KHDRBS2: variants seen among roughly 807,000 people sequenced by gnomAD.
The protein encoded by KHDRBS2 is KH RNA binding domain containing, signal transduction associated 2, also known as KH domain-containing, RNA-binding, signal transduction-associated protein 2.
KHDRBS2 carries 26 observed loss-of-function variants against 44.3 expected under a neutral mutation model. That is an observed-to-expected ratio of 0.59 (90% CI 0.43 to 0.81). The LOEUF is 0.81. KHDRBS2 is among the 40% of genes least tolerant of loss of function. The pLI is 0.00. For synonymous variants in KHDRBS2, 194 were observed against 151.1 expected (o/e 1.28, Z -2.08); for missense variants, 476 against 433.1 (o/e 1.10, Z -0.88).
chr6:62,199,599 G>C (rs1282377864), intron 1 of KHDRBS2, among the ~76,000 whole-genome samples: 1 of 152,096 alleles, frequency 6.6e-6, no homozygotes, highest in East Asian at 1.9e-4. Flanking sequence ...ATAAACAAAT[G>C]GAAGAAAATT....
chr6:61,979,118 C>G (rs924769993), intron 3 of KHDRBS2, among the ~76,000 whole-genome samples: 4 of 152,002 alleles, frequency 2.6e-5, no homozygotes, highest in African/African-American at 9.7e-5. Flanking sequence ...CATATCATCT[C>G]TAATCAAAAT....
intron 4 of KHDRBS2, among the ~76,000 whole-genome samples, chr6:61,955,670 G>A (rs71552588): frequency 0.21 from 21,232 of 102,188 alleles, 3,759 homozygotes; most frequent in East Asian, 0.29. Context: ...ATGTGTATAT[G>A]TACACATATG....
At chr6:61,675,631 A>G (rs1366542523), downstream of KHDRBS2, among the ~76,000 whole-genome samples, 1 of 151,796 alleles carries the variant, frequency 6.6e-6, no homozygotes, top group East Asian at 2.0e-4. Flanking sequence ...GGACACCACT[A>G]TTCAGTTTCC....
At chr6:61,980,286 T>A (rs1773567269) in intron 3 of KHDRBS2, among the ~76,000 whole-genome samples, 1 of 152,158 alleles carries the variant, frequency 6.6e-6, no homozygotes, top group Admixed American at 6.6e-5. Context: ...GAAGAATATA[T>A]CATAAATTGT....
At chr6:62,152,338 A>G (rs1007352807) in intron 2 of KHDRBS2, among the ~76,000 whole-genome samples, 6 of 152,130 alleles carry the variant, frequency 3.9e-5, no homozygotes, top group Admixed American at 3.9e-4. Context: ...ACAAAAAACA[A>G]ACAAAAAAAT....
At chr6:61,649,619 T>A in the KHDRBS2 span, among the ~76,000 whole-genome samples, 1 of 152,186 alleles carries the variant, frequency 6.6e-6, no homozygotes, top group African/African-American at 2.4e-5. Context: ...CAACAATTTT[T>A]CTTTCTTAGT....
At position 61,902,864 on chromosome 6, in the gene KHDRBS2, C is replaced by T. The variant is rs535912552; in HGVS notation, c.484-1493G>A. 3.3e-5 allele frequency among the ~76,000 whole-genome samples: 5 copies of T among 151,604 alleles called. No homozygotes were observed. The South Asian group carries it at 1.0e-3, about 32-fold the overall frequency. Reference sequence around the variant, plus strand: ...TAGAAAATGGCAGGGAAGCATTCAGCCTACAAGGATTTCTTTGGCACAGCT... The same window carrying T: ...TAGAAAATGGCAGGGAAGCATTCAGTCTACAAGGATTTCTTTGGCACAGCT... On this transcript the variant is annotated intron_variant, in intron 4 of 8. Transcript: ENST00000281156.
the KHDRBS2 span, among the ~76,000 whole-genome samples, chr6:61,596,948 C>A: frequency 1.3e-5 from 2 of 152,098 alleles, no homozygotes; most frequent in African/African-American, 2.4e-5. Flanking sequence ...CCGTGCCCAG[C>A]CACATTTGTA....
rs150033315 is a variant in KHDRBS2, at chr6:61,876,833, T to C, written c.810+17802A>G. On this transcript the variant is annotated intron_variant, in intron 6 of 8. Coordinates refer to ENST00000281156, the MANE Select transcript of KHDRBS2 (RefSeq NM_152688.4). Reference sequence around the variant, plus strand: ...CTATGAGAAAAGGAAATAAGTGGCCTTGGGTAATTTAACCAACTTAAAATT... The same window carrying C: ...CTATGAGAAAAGGAAATAAGTGGCCCTGGGTAATTTAACCAACTTAAAATT... 4.1e-3 allele frequency among the ~76,000 whole-genome samples: 624 copies of C among 152,188 alleles called. 1 individual carries two copies. The highest frequency in any genetic ancestry group is 6.2e-3 in the Non-Finnish European group (423 of 67,956).
the KHDRBS2 span, among the ~76,000 whole-genome samples, chr6:61,580,313 C>T: frequency 3.3e-5 from 5 of 152,190 alleles, no homozygotes; most frequent in Admixed American, 6.5e-5. Context: ...AATCATTACT[C>T]TGTGTCTAGC....
intron 6 of KHDRBS2, among the ~76,000 whole-genome samples, chr6:61,844,725 T>C (rs1794113301): frequency 7.0e-6 from 1 of 142,462 alleles, no homozygotes; most frequent in Non-Finnish European, 1.5e-5. Flanking sequence ...ATAGCATTCA[T>C]ATATTCTTGA....
At chr6:61,781,793 T>C (rs1336087858) in intron 6 of KHDRBS2, among the ~76,000 whole-genome samples, 2 of 152,164 alleles carry the variant, frequency 1.3e-5, no homozygotes, top group Non-Finnish European at 2.9e-5. Context: ...ACGTTATCAA[T>C]AAATCTCCAG....
intron 3 of KHDRBS2, among the ~76,000 whole-genome samples, chr6:61,979,227 G>A (rs1424568713): frequency 6.6e-6 from 1 of 152,062 alleles, no homozygotes; most frequent in African/African-American, 2.4e-5. Flanking sequence ...CATTTTGCAA[G>A]CAGATTTGCA....
chr6:62,112,360 C>G (rs969313294), intron 2 of KHDRBS2, among the ~76,000 whole-genome samples: 2 of 152,114 alleles, frequency 1.3e-5, no homozygotes, highest in Non-Finnish European at 2.9e-5. Context: ...GAAATGATTA[C>G]TGTATGTTTG....
intron 2 of KHDRBS2, among the ~76,000 whole-genome samples, chr6:62,063,931 G>A (rs971636168): frequency 1.4e-5 from 2 of 144,252 alleles, no homozygotes; most frequent in East Asian, 2.0e-4. Context: ...CTTCAGCAAA[G>A]TCTCAGGATA....
intron 1 of KHDRBS2, among the ~76,000 whole-genome samples, chr6:62,215,435 C>A (rs1297169930): frequency 6.6e-6 from 1 of 151,590 alleles, no homozygotes; most frequent in African/African-American, 2.4e-5. Flanking sequence ...CCATATAAGC[C>A]ACTCCTCCCT....
chr6:61,551,546 T>C, the KHDRBS2 span, among the ~76,000 whole-genome samples: 1 of 152,122 alleles, frequency 6.6e-6, no homozygotes, highest in Non-Finnish European at 1.5e-5. Context: ...TTTCATATGG[T>C]ATAAGGGTGG....
chr6:62,091,099 G>C (rs896314413), intron 2 of KHDRBS2, among the ~76,000 whole-genome samples: 1 of 152,040 alleles, frequency 6.6e-6, no homozygotes, highest in Non-Finnish European at 1.5e-5. Context: ...ATACTATCTG[G>C]GTGCCTGATT....
intron 2 of KHDRBS2, among the ~76,000 whole-genome samples, chr6:62,096,698 A>T (rs1240794954): frequency 2.6e-5 from 4 of 151,836 alleles, no homozygotes; most frequent in Admixed American, 1.3e-4. Context: ...GTATAGATTT[A>T]AAAAATCTCT....
Sources: gnomAD v4.1 joint callset for allele counts (sites outside exome capture counted in the v4.1 genomes callset) on GRCh38, gnomAD v4.1.1 for gene constraint, MANE v1.5 for transcripts, NCBI Gene and HGNC (gene_info 2026-07-23, HGNC 2026-07-21) for gene names.